The following IDE variants were observed in gnomAD, a reference collection of about 807,000 sequenced individuals.
IDE encodes insulin-degrading enzyme.
IDE carries 58 observed loss-of-function variants against 133.2 expected under a neutral mutation model. The observed-to-expected ratio is 0.44, with a 90% CI of 0.35 to 0.54. The LOEUF is 0.54. Ranked by LOEUF, IDE falls within the 20% of genes least tolerant of loss-of-function variation. The probability of loss-of-function intolerance (pLI) is 0.00; values close to 1 mark genes in which losing one functional copy is unlikely to be tolerated. For missense variants in IDE, 981 were observed against 1,234.0 expected (o/e 0.79, Z 3.07); for synonymous variants, 396 against 421.3 (o/e 0.94, Z 0.73).
chr10:92,493,738 T>C (rs550242159), intron 11 of IDE, among the ~76,000 whole-genome samples: 1 of 152,228 alleles, frequency 6.6e-6, no homozygotes, highest in South Asian at 2.1e-4. Context: ...TAGGCACAGA[T>C]CAAATACCAG....
chr10:92,555,292 G>A (rs746335801), intron 1 of IDE, among the ~76,000 whole-genome samples: 3 of 152,098 alleles, frequency 2.0e-5, no homozygotes, highest in Non-Finnish European at 4.4e-5. Flanking sequence ...GAGGCCAGGA[G>A]TTCAAGACCA....
intron 5 of IDE, among the ~76,000 whole-genome samples, chr10:92,510,436 T>G (rs1848520789): frequency 6.6e-6 from 1 of 152,154 alleles, no homozygotes; most frequent in Admixed American, 6.5e-5. Context: ...CCAACAGGCA[T>G]ATATACTGAA....
chr10:92,544,731 T>G (rs1216463170), intron 1 of IDE, among the ~76,000 whole-genome samples: 1 of 152,234 alleles, frequency 6.6e-6, no homozygotes, highest in African/African-American at 2.4e-5. Flanking sequence ...AGTTTTTCAC[T>G]CCTTCTTCTG....
At chr10:92,498,160 T>C (rs931392021) in intron 11 of IDE, among the ~76,000 whole-genome samples, 1 of 152,174 alleles carries the variant, frequency 6.6e-6, no homozygotes, top group Non-Finnish European at 1.5e-5. Flanking sequence ...ATTCATGACA[T>C]TATATAAAGT....
intron 1 of IDE, among the ~76,000 whole-genome samples, chr10:92,552,283 T>G (rs1287681523): frequency 6.6e-6 from 1 of 152,118 alleles, no homozygotes; most frequent in Non-Finnish European, 1.5e-5. Flanking sequence ...TACACTAGAA[T>G]TGAGGAAATA....
intron 2 of IDE, among the ~76,000 whole-genome samples, chr10:92,535,294 G>A (rs1407573123): frequency 1.3e-5 from 2 of 152,038 alleles, no homozygotes; most frequent in Admixed American, 6.6e-5. Flanking sequence ...TATTAGAGGC[G>A]GGGTTTCACC....
rs1842066718 is a variant in IDE at position 92,537,362 on chromosome 10, G to A, written c.283+4C>T. The A allele has an allele frequency of 1.3e-6, 2 of 1,587,698 alleles. No individual in the cohort carries two copies. Among genetic ancestry groups the A allele is most frequent in the Non-Finnish European group, 1.7e-6 (2 of 1,170,092 alleles). On this transcript the variant is annotated splice_donor_region_variant and intron_variant, in intron 2 of 24. Transcript: ENST00000265986. ...AAAGCTTAATTCACAATTTTCAATT[G>A]TACCTATGTGCACATCAAGTGCTGC...
intron 15 of IDE, chr10:92,478,640 CT>C: frequency 1.7e-6 from 2 of 1,204,922 alleles, no homozygotes; most frequent in African/African-American, 1.6e-5. Context: ...TTTCATTTTA[CT>C]TACAAGTATT....
chr10:92,453,335 GTTTATA>G lies in IDE; in HGVS notation c.*1103_*1108del, dbSNP rs1741480626. On this transcript the variant is annotated 3_prime_UTR_variant, in exon 25 of 25. Transcript: ENST00000265986. ...CTCCAGTCATCATCTGTGTTTATAT[GTTTATA>G]TTTATATATTCAAAAAATAACTTAA... is the stretch of plus-strand genomic sequence containing the variant. 6.6e-6 allele frequency: 1 copy of G among 150,980 alleles called. No individual in the cohort carries two copies. Among genetic ancestry groups the G allele is most frequent in the African/African-American group, 2.4e-5 (1 of 41,316 alleles). The allele number at this position is 150,980 out of a possible 1,614,324, so 9.4% of individuals were successfully genotyped here. A position where few individuals can be genotyped will look rare whatever the true frequency, so the allele number is the denominator to read the frequency against.
chr10:92,506,402 C>A, intron 10 of IDE, 40 bp downstream of exon 10: 1 of 914,374 alleles, frequency 1.1e-6, no homozygotes, highest in South Asian at 1.6e-5. Flanking sequence ...CTGAAATACT[C>A]CACACAGCAA....
At position 92,461,186 on chromosome 10, in the gene IDE, C is replaced by T; in HGVS notation, c.2823+5G>A. 1 of 1,329,964 alleles carries T rather than the reference C, an allele frequency of 7.5e-7. No individual in the cohort carries two copies. 82.4% of individuals were successfully genotyped at this position (1,329,964 alleles called of 1,614,324 possible). A position where few individuals can be genotyped will look rare whatever the true frequency, so the allele number is the denominator to read the frequency against. ...TCAAAATCTAAATATATGAATTTGA[C>T]TTACCTTGTAGAATTTGATGATATC... On this transcript the variant is annotated splice_donor_5th_base_variant and intron_variant, in intron 22 of 24. Transcript: ENST00000265986.
At chr10:92,472,413 A>T (rs1846013610) in intron 17 of IDE, among the ~76,000 whole-genome samples, 1 of 152,184 alleles carries the variant, frequency 6.6e-6, no homozygotes, top group Admixed American at 6.5e-5. Flanking sequence ...ATTGCATATG[A>T]CCATAATCAT....
chr10:92,574,023 C>T lies in IDE; in HGVS notation c.-4G>A. On this transcript the variant is annotated 5_prime_UTR_variant, in exon 1 of 25. Transcript: ENST00000265986. ...GCCACGCTAGCCGGTACCGCATTAG[C>T]CAGCGCAGTCGCCGGGATCACCGCA... The T allele has an allele frequency of 1.3e-6, 2 of 1,510,110 alleles. No homozygotes were observed. Among genetic ancestry groups the T allele is most frequent in the East Asian group, 2.7e-5 (1 of 36,440 alleles). The allele number at this position is 1,510,110 out of a possible 1,614,324, so 93.5% of individuals were successfully genotyped here.
At chr10:92,554,419 C>T (rs1842918654) in intron 1 of IDE, among the ~76,000 whole-genome samples, 1 of 152,006 alleles carries the variant, frequency 6.6e-6, no homozygotes, top group Non-Finnish European at 1.5e-5. Context: ...TGGCACATGC[C>T]TATATTCCCA....
At chr10:92,466,607 A>G (rs919164450) in intron 19 of IDE, among the ~76,000 whole-genome samples, 3 of 131,028 alleles carry the variant, frequency 2.3e-5, no homozygotes, top group Admixed American at 8.1e-5. Flanking sequence ...GTAGGCCACC[A>G]CGCCTGGCCC....
intron 1 of IDE, among the ~76,000 whole-genome samples, chr10:92,557,850 G>A (rs1176524219): frequency 7.0e-6 from 1 of 141,990 alleles, no homozygotes; most frequent in Non-Finnish European, 1.5e-5. Context: ...ACTACAACCT[G>A]GGCAACAGAG....
intron 1 of IDE, among the ~76,000 whole-genome samples, chr10:92,541,789 G>GCTA (rs1842319498): frequency 6.6e-6 from 1 of 152,110 alleles, no homozygotes; most frequent in Non-Finnish European, 1.5e-5. Flanking sequence ...TCAGGGACTG[G>GCTA]CTACACTGGC....
chr10:92,471,019 A>AT (rs1179437628), intron 17 of IDE, among the ~76,000 whole-genome samples: 1 of 152,134 alleles, frequency 6.6e-6, no homozygotes, highest in Non-Finnish European at 1.5e-5. Flanking sequence ...ATCTACACCT[A>AT]TTTTTCCCTT....
intron 19 of IDE, 41 bp from the exon 20 acceptor site, chr10:92,465,884 A>C (rs1208831306): frequency 6.3e-7 from 1 of 1,584,438 alleles, no homozygotes; most frequent in East Asian, 2.2e-5. Flanking sequence ...TCAAAAACTT[A>C]TTTGGGGTTT....
Sources: gnomAD v4.1 joint callset for allele counts (sites outside exome capture counted in the v4.1 genomes callset) on GRCh38, gnomAD v4.1.1 for gene constraint, MANE v1.5 for transcripts, NCBI Gene and HGNC (gene_info 2026-07-23, HGNC 2026-07-21) for gene names.